The following SERINC3 variants were observed in gnomAD, a reference collection of about 807,000 sequenced individuals.
The protein encoded by SERINC3 is serine incorporator 3.
A neutral mutation model predicts 52.1 loss-of-function variants in SERINC3; 22 were observed. That is an observed-to-expected ratio of 0.42 (90% CI 0.30 to 0.60). The LOEUF (loss-of-function observed/expected upper bound fraction) is 0.60. Ranked by LOEUF, SERINC3 falls within the 20% of genes least tolerant of loss-of-function variation. SERINC3 has a pLI of 0.16. For synonymous variants in SERINC3, 226 were observed against 212.7 expected, an observed-to-expected ratio of 1.06 and a Z score of -0.54; for missense variants, 564 against 584.6, an observed-to-expected ratio of 0.96 and a Z score of 0.36.
At chr20:44,504,305 T>C (rs1454267769) in intron 7 of SERINC3, among the ~76,000 whole-genome samples, 1 of 152,240 alleles carries the variant, frequency 6.6e-6, no homozygotes, top group Non-Finnish European at 1.5e-5. Context: ...GAAGTTTATC[T>C]CTATTTTGGT....
At chr20:44,509,823 G>T (rs901795377) in intron 5 of SERINC3, 68 bp downstream of exon 5, 1 of 1,524,658 alleles carries the variant, frequency 6.6e-7, no homozygotes, top group East Asian at 2.3e-5. Flanking sequence ...GGACTATAAT[G>T]ATGATTTTTA....
In SERINC3 at chr20:44,513,972, C is replaced by A. The variant is rs201041892; in HGVS notation, c.108G>T (p.Thr36=). 6.2e-7 allele frequency: 1 copy of A among 1,614,082 alleles called. No individual in the cohort carries two copies. Among genetic ancestry groups the A allele is most frequent in the South Asian group, 1.1e-5 (1 of 91,082 alleles). ...TGAAAGCATAAATGAGGCGAGTCAC[C>A]GTGGAATTCTTACTGTTAGGACAGC... ...CSCCPNSKNS[T]VTRLIYAFIL... is the part of the protein sequence containing the mutation. The change falls in exon 2 of 10, where the codon ACG becomes ACT. Residue 36 remains threonine, a synonymous_variant. Transcript: ENST00000342374.
chr20:44,504,076 C>T (rs2064296804), intron 7 of SERINC3, 81 bp from the exon 8 acceptor site: 1 of 1,167,420 alleles, frequency 8.6e-7, no homozygotes, highest in East Asian at 2.7e-5. Flanking sequence ...CCCTACATAT[C>T]ATTCAGTCAT....
rs1176012004 is a variant in SERINC3 at position 44,510,026 on chromosome 20, A to G, written c.478T>C (p.Trp160Arg). 1 of 1,613,986 alleles carries G rather than the reference A, an allele frequency of 6.2e-7. No homozygotes were observed. Residue 160 changes from tryptophan to arginine, a missense_variant and splice_region_variant, in exon 5 of 10, where the codon TGG becomes CGG. By Grantham distance (101) the Trp-to-Arg change is moderately radical (BLOSUM62 -3). Coordinates refer to ENST00000342374, the MANE Select transcript of SERINC3 (RefSeq NM_006811.4). ...GCCCCTATCATGCCAACAACAAACC[A>G]GACTACAAGAACCAAGAGAACAAAG... is the stretch of plus-strand genomic sequence containing the variant. ...YIPGGYFSSV[W>R]FVVGMIGAAL...
rs117135174 is a variant in SERINC3 at position 44,505,768 on chromosome 20, T to G, written c.784-877A>C. Reference sequence around the variant, plus strand: ...GGTGTGCGCCCCCACGCCTAGCTAATTTTGTATTTTTAGTAGAGATGACGT... The same window carrying G: ...GGTGTGCGCCCCCACGCCTAGCTAAGTTTGTATTTTTAGTAGAGATGACGT... On this transcript the variant is annotated intron_variant, in intron 6 of 9. Transcript: ENST00000342374. Among the ~76,000 whole-genome samples the G allele has an allele frequency of 2.0e-4, 30 of 151,510 alleles. No homozygotes were observed. The East Asian group carries it at 5.1e-3, about 26-fold the overall frequency.
At chr20:44,511,522 G>T (rs548911371) in intron 3 of SERINC3, among the ~76,000 whole-genome samples, 154 bp from the exon 4 acceptor site, 1 of 152,130 alleles carries the variant, frequency 6.6e-6, no homozygotes, top group South Asian at 2.1e-4. Context: ...CATTTAATAG[G>T]CTAATTCATT....
intron 1 of SERINC3, among the ~76,000 whole-genome samples, chr20:44,519,802 A>G (rs2064404240): frequency 6.6e-6 from 1 of 152,080 alleles, no homozygotes; most frequent in Non-Finnish European, 1.5e-5. Context: ...AAAAAAAAAA[A>G]GAAAAATAGT....
chr20:44,500,391 C>T lies in SERINC3; in HGVS notation c.1327G>A (p.Val443Met). 1.9e-6 allele frequency: 3 copies of T among 1,590,886 alleles called. No individual in the cohort carries two copies. The highest frequency in any genetic ancestry group is 2.6e-6 in the Non-Finnish European group (3 of 1,168,132). Reference protein sequence around the residue: ...FQSMTSKWPAVWVKISSSWVC... With the variant: ...FQSMTSKWPAMWVKISSSWVC... ...CAGCTGGAGCTGATCTTGACCCACA[C>T]AGCTGGCCACTTGCTGGTCATGCTC... The change falls in exon 10 of 10, where the codon GTG becomes ATG. Residue 443 changes from valine to methionine, a missense_variant. Coordinates refer to ENST00000342374, the MANE Select transcript of SERINC3 (RefSeq NM_006811.4).
intron 1 of SERINC3, among the ~76,000 whole-genome samples, chr20:44,514,899 C>T (rs189292023): frequency 6.6e-6 from 1 of 152,016 alleles, no homozygotes; most frequent in Admixed American, 6.6e-5. Context: ...ACCATATGAC[C>T]CAGAAAGTAT....
intron 6 of SERINC3, among the ~76,000 whole-genome samples, chr20:44,506,512 G>A (rs1357444249): frequency 6.9e-6 from 1 of 145,880 alleles, no homozygotes; most frequent in Non-Finnish European, 1.5e-5. Flanking sequence ...TTGAACCCAG[G>A]AGGCAGAGGT....
intron 1 of SERINC3, among the ~76,000 whole-genome samples, chr20:44,521,495 T>C (rs143810478): frequency 5.3e-5 from 8 of 152,296 alleles, no homozygotes; most frequent in African/African-American, 1.7e-4. Context: ...ACACACTCTG[T>C]AGTTTTGGCA....
intron 9 of SERINC3, among the ~76,000 whole-genome samples, chr20:44,500,692 A>T (rs1477575014): frequency 2.0e-5 from 3 of 152,182 alleles, no homozygotes; most frequent in African/African-American, 7.2e-5. Flanking sequence ...AAAGTTCTTT[A>T]AATGTTCCTA....
At chr20:44,503,041 A>G (rs889397180) in intron 8 of SERINC3, among the ~76,000 whole-genome samples, 1 of 152,254 alleles carries the variant, frequency 6.6e-6, no homozygotes, top group Non-Finnish European at 1.5e-5. Flanking sequence ...TAAGTTTAAG[A>G]TTTGTATACT....
At chr20:44,507,698 G>A (rs1300984267) in intron 5 of SERINC3, among the ~76,000 whole-genome samples, 1 of 152,092 alleles carries the variant, frequency 6.6e-6, no homozygotes, top group African/African-American at 2.4e-5. Context: ...GCCAAACCCT[G>A]TCTCTACAAA....
intron 3 of SERINC3, among the ~76,000 whole-genome samples, chr20:44,511,830 C>T (rs2064349438): frequency 6.6e-6 from 1 of 152,192 alleles, no homozygotes; most frequent in Non-Finnish European, 1.5e-5. Flanking sequence ...TAATGACTGC[C>T]TTGTATGGCA....
Position 44,503,955 on chromosome 20 carries a change from G to C in SERINC3, c.915C>G (p.Arg305=), listed in dbSNP as rs1057282033. The C allele has an allele frequency of 6.2e-7, 1 of 1,601,600 alleles. No individual in the cohort carries two copies. Among genetic ancestry groups the C allele is most frequent in the African/African-American group, 1.3e-5 (1 of 74,158 alleles). The change falls in exon 8 of 10, where the codon CGC becomes CGG. Residue 305 remains arginine (R), a synonymous_variant. Transcript: ENST00000342374. ...CNPNLMSFIT[R]ITAPTLAPGN... is the part of the protein sequence containing the mutation. ...CAGGAGCCAGGGTTGGTGCAGTTAT[G>C]CGTGTAATAAAGCTCATCAGGTTGG...
downstream of SERINC3, among the ~76,000 whole-genome samples, chr20:44,496,824 C>A (rs2064251807): frequency 6.6e-6 from 1 of 152,168 alleles, no homozygotes; most frequent in Admixed American, 6.5e-5. Flanking sequence ...TTACAGATTT[C>A]TTTGTTCCTT....
chr20:44,512,856 G>C lies in SERINC3; in HGVS notation c.340C>G (p.Leu114Val). 2 of 1,578,710 alleles carry C rather than the reference G, an allele frequency of 1.3e-6. No homozygotes were observed. The highest frequency in any genetic ancestry group is 1.7e-6 in the Non-Finnish European group (2 of 1,168,520). ...CTTGTTTTTACTTTGAACATGAGCA[G>C]AGAAAAGACAAAGAAAAAGATGGCC... ...AMAIFFFVFS[L>V]LMFKVKTSKD... The change falls in exon 3 of 10, where the codon CTG becomes GTG. Residue 114 changes from leucine (L) to valine (V), a missense_variant. Coordinates refer to ENST00000342374, the MANE Select transcript of SERINC3 (RefSeq NM_006811.4).
At chr20:44,512,270 G>A (rs1311944252) in intron 3 of SERINC3, among the ~76,000 whole-genome samples, 1 of 141,040 alleles carries the variant, frequency 7.1e-6, no homozygotes, top group Non-Finnish European at 1.5e-5. Flanking sequence ...CCGAGATCAC[G>A]CCATTACACT....
Sources: gnomAD v4.1 joint callset for allele counts (sites outside exome capture counted in the v4.1 genomes callset) on GRCh38, gnomAD v4.1.1 for gene constraint, MANE v1.5 for transcripts, NCBI Gene and HGNC (gene_info 2026-07-23, HGNC 2026-07-21) for gene names.